The following CSNK1G3 variants were observed in gnomAD, a reference collection of about 807,000 sequenced individuals.
CSNK1G3 encodes casein kinase 1 gamma 3.
Under a neutral mutation model 64.3 loss-of-function variants are expected in CSNK1G3, and 23 were observed. The observed-to-expected ratio is 0.36, with a 90% CI of 0.26 to 0.51. CSNK1G3 has a LOEUF of 0.51. CSNK1G3 is among the 20% of genes least tolerant of loss of function. The pLI is 0.96. For synonymous variants in CSNK1G3, 158 were observed against 162.2 expected, an observed-to-expected ratio of 0.97 and a Z score of 0.20; for missense variants, 357 against 510.5, an observed-to-expected ratio of 0.70 and a Z score of 2.90.
intron 3 of CSNK1G3, among the ~76,000 whole-genome samples, chr5:123,555,021 A>G (rs1784374710): frequency 6.6e-6 from 1 of 152,188 alleles, no homozygotes; most frequent in African/African-American, 2.4e-5. Context: ...CAGCCTTCTT[A>G]TATACATACA....
At chr5:123,549,460 C>G (rs993172488) in intron 2 of CSNK1G3, among the ~76,000 whole-genome samples, 5 of 152,188 alleles carry the variant, frequency 3.3e-5, no homozygotes, top group African/African-American at 9.7e-5. Context: ...CCTTTTCTAT[C>G]TGGCCCATAC....
Position 123,553,098 on chromosome 5 carries a change from T to G in CSNK1G3, c.179-9T>G. 3.6e-6 allele frequency: 5 copies of G among 1,372,336 alleles called. No homozygotes were observed. Among genetic ancestry groups the G allele is most frequent in the Non-Finnish European group, 4.9e-6 (5 of 1,016,372 alleles). 85.0% of individuals were successfully genotyped at this position (1,372,336 alleles called of 1,614,324 possible). A position where few individuals can be genotyped will look rare whatever the true frequency, so the allele number is the denominator to read the frequency against. Reference sequence around the variant, plus strand: ...ACTGGCAGAATCTGATTTTTTTTTCTTTTTCAAGGGAAAAATTTATACACA... The same window carrying G: ...ACTGGCAGAATCTGATTTTTTTTTCGTTTTCAAGGGAAAAATTTATACACA... On this transcript the variant is annotated splice_polypyrimidine_tract_variant and intron_variant, in intron 2 of 12. Transcript: ENST00000345990.
intron 4 of CSNK1G3, among the ~76,000 whole-genome samples, chr5:123,571,477 A>G (rs554427552): frequency 6.6e-6 from 1 of 152,152 alleles, no homozygotes; most frequent in African/African-American, 2.4e-5. Flanking sequence ...TGCCTCACTC[A>G]TATTCATATC....
intron 10 of CSNK1G3, 79 bp downstream of exon 11, chr5:123,595,213 T>G: frequency 8.1e-7 from 1 of 1,231,524 alleles, no homozygotes; most frequent in Non-Finnish European, 1.2e-6. Context: ...CATGGCATGA[T>G]TTCATATCTT....
At chr5:123,518,496 A>G (rs745608238) in intron 1 of CSNK1G3, among the ~76,000 whole-genome samples, 1 of 152,186 alleles carries the variant, frequency 6.6e-6, no homozygotes, top group Admixed American at 6.5e-5. Context: ...GCCAGCAGCA[A>G]GATCACATCT....
chr5:123,577,016 A>G, intron 6 of CSNK1G3, among the ~76,000 whole-genome samples: 1 of 152,054 alleles, frequency 6.6e-6, no homozygotes, highest in South Asian at 2.1e-4. Flanking sequence ...ATCTTATTTA[A>G]TGTAATGTAT....
rs189242588 is a variant in CSNK1G3 at position 123,527,334 on chromosome 5, T to C, written c.-248+14764T>C. ...GTTTAAGGTACCTTTGGGTCAATTCTCAGTCTCTATCTTAAGGCTTTCATA... is the reference window on the plus strand; with the variant it reads ...GTTTAAGGTACCTTTGGGTCAATTCCCAGTCTCTATCTTAAGGCTTTCATA... On this transcript the variant is annotated intron_variant, in intron 1 of 12. Coordinates refer to ENST00000345990, the Ensembl canonical transcript of CSNK1G3. Among the ~76,000 whole-genome samples the C allele has an allele frequency of 3.5e-3, 527 of 152,304 alleles. 2 individuals are homozygous for C. Among genetic ancestry groups the C allele is most frequent in the Non-Finnish European group, 6.1e-3 (415 of 68,002 alleles).
chr5:123,614,242 A>G lies in CSNK1G3; in HGVS notation c.1218-100A>G, dbSNP rs185874311. On this transcript the variant is annotated intron_variant, in intron 12 of 12. Coordinates refer to ENST00000345990, the Ensembl canonical transcript of CSNK1G3. The stretch of plus-strand genomic sequence containing the variant: ...GTGTAATCACTGTTTATCTTGCACT[A>G]GCCTGTTGCTTTTTATGATCATTTA... The G allele has an allele frequency of 5.5e-6, 6 of 1,099,588 alleles. No individual in the cohort carries two copies. In the East Asian group the frequency reaches 1.6e-4, roughly 29 times the overall value. 68.1% of individuals were successfully genotyped at this position (1,099,588 alleles called of 1,614,324 possible).
intron 5 of CSNK1G3, among the ~76,000 whole-genome samples, chr5:123,574,119 G>A (rs929873553): frequency 1.3e-5 from 2 of 152,126 alleles, no homozygotes; most frequent in African/African-American, 2.4e-5. Flanking sequence ...AAAGTTCTGG[G>A]ATTACAGGCG....
chr5:123,535,759 A>T (rs747191717), intron 1 of CSNK1G3, among the ~76,000 whole-genome samples: 2 of 152,050 alleles, frequency 1.3e-5, no homozygotes, highest in Non-Finnish European at 2.9e-5. Flanking sequence ...CTTTATAAGA[A>T]TAGTTCTGTT....
exon 13 of CSNK1G3, chr5:123,614,742 C>A (rs1749172914): frequency 1.1e-5 from 2 of 180,124 alleles, no homozygotes; most frequent in African/African-American, 4.7e-5. Flanking sequence ...AAGTGTCAAC[C>A]AGTTATATAC....
intron 3 of CSNK1G3, among the ~76,000 whole-genome samples, chr5:123,555,745 A>C (rs1784499085): frequency 6.6e-6 from 1 of 152,106 alleles, no homozygotes; most frequent in Non-Finnish European, 1.5e-5. Context: ...TAAGTACTGG[A>C]ATCTAGTTGA....
At chr5:123,573,861 T>TC (rs947349017) in intron 5 of CSNK1G3, among the ~76,000 whole-genome samples, 1 of 151,726 alleles carries the variant, frequency 6.6e-6, no homozygotes, top group Non-Finnish European at 1.5e-5. Context: ...TTTTTTTTTT[T>TC]TTTTTTGAGA....
intron 10 of CSNK1G3, among the ~76,000 whole-genome samples, chr5:123,600,396 C>T (rs999541456): frequency 1.3e-5 from 2 of 151,864 alleles, no homozygotes; most frequent in African/African-American, 2.4e-5. Context: ...GAGGCTGAGG[C>T]GGGTGATCAC....
rs376627411 is a variant in CSNK1G3, at chr5:123,588,394, C to A, written c.760-33C>A. The A allele has an allele frequency of 4.6e-6, 7 of 1,518,046 alleles. No individual in the cohort carries two copies. In the South Asian group the frequency reaches 5.6e-5, roughly 12 times the overall value. 94.0% of individuals were successfully genotyped at this position (1,518,046 alleles called of 1,614,324 possible). A position where few individuals can be genotyped will look rare whatever the true frequency, so the allele number is the denominator to read the frequency against. On this transcript the variant is annotated intron_variant, in intron 7 of 12. Coordinates refer to ENST00000345990, the Ensembl canonical transcript of CSNK1G3. ...TCCCAGCTAAATAATTTTTAAATTA[C>A]CACATTCTCAAGATTTTTTTTTTCT...
chr5:123,569,795 T>G (rs538976202), intron 4 of CSNK1G3, among the ~76,000 whole-genome samples: 4 of 83,618 alleles, frequency 4.8e-5, no homozygotes, highest in African/African-American at 3.0e-4. Context: ...AATAGAAAAG[T>G]TAAAAGTTCT....
At chr5:123,573,397 T>C (rs1788502760) in exon 5 of CSNK1G3, 2 of 1,613,634 alleles carry the variant, frequency 1.2e-6, no homozygotes, top group African/African-American at 1.3e-5. Flanking sequence ...CCCCAGATGG[T>C]ATACCTCAAG....
chr5:123,614,007 C>G (rs560688504), intron 12 of CSNK1G3, among the ~76,000 whole-genome samples: 5 of 152,256 alleles, frequency 3.3e-5, no homozygotes, highest in African/African-American at 1.2e-4. Flanking sequence ...TATTGCCTTC[C>G]TAATGGCTTC....
intron 4 of CSNK1G3, among the ~76,000 whole-genome samples, chr5:123,572,613 C>G (rs773873084): frequency 6.6e-5 from 10 of 152,140 alleles, no homozygotes; most frequent in Non-Finnish European, 1.0e-4. Flanking sequence ...TTCACTGATT[C>G]TTGTCAGAAT....
Sources: allele counts gnomAD v4.1 joint callset (sites outside exome capture counted in the v4.1 genomes callset), GRCh38; gene constraint gnomAD v4.1.1; transcripts MANE v1.5; gene names NCBI Gene and HGNC (gene_info 2026-07-23, HGNC 2026-07-21).